TUSC3: variants seen among roughly 807,000 people sequenced by gnomAD.
TUSC3 encodes the protein dolichyl-diphosphooligosaccharide--protein glycosyltransferase subunit TUSC3.
Under a neutral mutation model 44.8 loss-of-function variants are expected in TUSC3, and 45 were observed. The ratio of observed to expected loss-of-function variants is 1.00; its 90% CI spans 0.79 to 1.29. The LOEUF is 1.29. Among genes scored for constraint, TUSC3 ranks in the 50% most tolerant of loss-of-function variants. The pLI is 0.00. For missense variants in TUSC3, 519 were observed against 437.9 expected, an observed-to-expected ratio of 1.19 and a Z score of -1.65; for synonymous variants, 212 against 152.9, an observed-to-expected ratio of 1.39 and a Z score of -2.85.
chr8:15,492,955 A>C (rs993200751), intron 2 of TUSC3, among the ~76,000 whole-genome samples: 2 of 152,146 alleles, frequency 1.3e-5, no homozygotes, highest in African/African-American at 2.4e-5. Context: ...TTGCCACTGC[A>C]CTCCAGCCTG....
chr8:15,602,308 T>C (rs942395573), intron 1 of TUSC3, among the ~76,000 whole-genome samples: 5 of 151,716 alleles, frequency 3.3e-5, no homozygotes, highest in Non-Finnish European at 7.4e-5. Context: ...TTGTGGATTC[T>C]AGCGCAGAAT....
At position 15,650,680 on chromosome 8, in the gene TUSC3, C is replaced by G. The variant is rs781717021; in HGVS notation, c.309-17C>G. ...CAGTACTGATGTGTTTCTACTATGGCCCATTATTCTTATCAGGCAAGCTAA... is the reference window on the plus strand; with the variant it reads ...CAGTACTGATGTGTTTCTACTATGGGCCATTATTCTTATCAGGCAAGCTAA... On this transcript the variant is annotated splice_polypyrimidine_tract_variant and intron_variant, in intron 2 of 10. Coordinates refer to ENST00000503731, the MANE Select transcript of TUSC3 (RefSeq NM_006765.4). 3 of 1,605,746 alleles carry G rather than the reference C, an allele frequency of 1.9e-6. No homozygotes were observed. The highest frequency in any genetic ancestry group is 2.6e-6 in the Non-Finnish European group (3 of 1,172,596).
intron 6 of TUSC3, among the ~76,000 whole-genome samples, chr8:15,693,852 T>C (rs1030769109): frequency 6.6e-6 from 1 of 152,098 alleles, no homozygotes; most frequent in Non-Finnish European, 1.5e-5. Flanking sequence ...TATTGTTTTT[T>C]CTTCATTTCT....
At chr8:15,595,932 C>T (rs1804048784) in intron 1 of TUSC3, among the ~76,000 whole-genome samples, 1 of 152,096 alleles carries the variant, frequency 6.6e-6, no homozygotes, top group South Asian at 2.1e-4. Context: ...AGTGATTTGA[C>T]CAATTGAATA....
chr8:15,472,027 G>A (rs558093826), intron 1 of TUSC3, among the ~76,000 whole-genome samples: 3 of 115,468 alleles, frequency 2.6e-5, no homozygotes, highest in Admixed American at 9.9e-5. Context: ...GCTAAACTGT[G>A]TAAGTAACAT....
intron 1 of TUSC3, among the ~76,000 whole-genome samples, chr8:15,422,081 T>G (rs1318267719): frequency 1.3e-5 from 2 of 152,192 alleles, no homozygotes; most frequent in Admixed American, 6.5e-5. Flanking sequence ...TACCCATCTT[T>G]CTGATACTCT....
chr8:15,548,795 A>C (rs184041480), intron 1 of TUSC3, among the ~76,000 whole-genome samples: 1 of 151,838 alleles, frequency 6.6e-6, no homozygotes, highest in Non-Finnish European at 1.5e-5. Context: ...TTCTCCTTCT[A>C]CCCTATGTTT....
At chr8:15,706,910 C>T (rs1809641156) in intron 6 of TUSC3, among the ~76,000 whole-genome samples, 1 of 151,894 alleles carries the variant, frequency 6.6e-6, no homozygotes, top group Non-Finnish European at 1.5e-5. Flanking sequence ...GCAAGAAGTT[C>T]ATTCAGCCAC....
rs143444660 is a variant in TUSC3 at position 15,617,120 on chromosome 8, A to ATGTGTGTGTGTGTGTGTG, written c.139-5947_139-5946insGTGTGTGTGTGTGTGTGT. Among the ~76,000 whole-genome samples the ATGTGTGTGTGTGTGTGTG allele has an allele frequency of 7.0e-3, 867 of 123,606 alleles. 16 individuals are homozygous for ATGTGTGTGTGTGTGTGTG. Among genetic ancestry groups the ATGTGTGTGTGTGTGTGTG allele is most frequent in the South Asian group, 9.9e-3 (38 of 3,846 alleles). The allele number at this position is 123,606 out of a possible 152,430, so 81.1% of individuals were successfully genotyped here. On this transcript the variant is annotated intron_variant, in intron 1 of 10. Coordinates refer to ENST00000503731, the MANE Select transcript of TUSC3 (RefSeq NM_006765.4). ...ATTTGTTTCTGTATCTATCTGTAAA[A>ATGTGTGTGTGTGTGTGTG]TGTGTGTGTGTGTATATATTTTTTT... is the stretch of plus-strand genomic sequence containing the variant.
chr8:15,482,353 T>G (rs1044381343), intron 1 of TUSC3, among the ~76,000 whole-genome samples: 2 of 152,210 alleles, frequency 1.3e-5, no homozygotes, highest in African/African-American at 4.8e-5. Context: ...AATCACAAAG[T>G]TCTCGTGGCA....
the TUSC3 span, among the ~76,000 whole-genome samples, chr8:15,799,169 G>C: frequency 4.3e-4 from 66 of 152,218 alleles, no homozygotes; most frequent in African/African-American, 1.5e-3. Flanking sequence ...GTTGTCTTAA[G>C]TGGATCCACA....
intron 8 of TUSC3, among the ~76,000 whole-genome samples, chr8:15,744,416 C>T (rs1309041293): frequency 9.2e-5 from 14 of 152,090 alleles, no homozygotes; most frequent in Admixed American, 8.5e-4. Context: ...TTGATATGTC[C>T]ACAGACCTGT....
At chr8:15,490,048 A>G (rs1480287969) in intron 2 of TUSC3, among the ~76,000 whole-genome samples, 1 of 152,240 alleles carries the variant, frequency 6.6e-6, no homozygotes, top group East Asian at 1.9e-4. Flanking sequence ...GGCTTTAATC[A>G]AGAACATGGT....
intron 2 of TUSC3, among the ~76,000 whole-genome samples, chr8:15,509,551 TGA>T (rs1240619986): frequency 6.6e-6 from 1 of 151,834 alleles, no homozygotes; most frequent in Non-Finnish European, 1.5e-5. Flanking sequence ...GAGGTTGCAG[TGA>T]GCCGAGATTG....
In TUSC3 at chr8:15,555,139, CTTTTTTTTTTT is replaced by C. The variant is rs60676527; in HGVS notation, c.138+14584_138+14594del. 1.7e-4 allele frequency among the ~76,000 whole-genome samples: 16 copies of C among 93,582 alleles called. 1 individual carries two copies. The Admixed American group carries it at 2.1e-3, about 12-fold the overall frequency. 61.4% of individuals were successfully genotyped at this position (93,582 alleles called of 152,430 possible). A position where few individuals can be genotyped will look rare whatever the true frequency, so the allele number is the denominator to read the frequency against. On this transcript the variant is annotated intron_variant, in intron 1 of 10. Transcript: ENST00000503731. ...TAGGTGACAATATTATAATAGCAGTCTTTTTTTTTTTTTTTTTTTTTTTGGGGGGGACGAGA... is the reference window on the plus strand; with the variant it reads ...TAGGTGACAATATTATAATAGCAGTCTTTTTTTTTTTTGGGGGGGACGAGA...
chr8:15,736,228 A>G (rs879611799), intron 7 of TUSC3, among the ~76,000 whole-genome samples: 19 of 152,294 alleles, frequency 1.2e-4, no homozygotes, highest in Non-Finnish European at 2.4e-4. Flanking sequence ...GAAGAGGAAG[A>G]CACACAACAA....
At chr8:15,425,586 A>T (rs10109144) in intron 1 of TUSC3, among the ~76,000 whole-genome samples, 1,889 of 152,354 alleles carry the variant, frequency 0.012, 39 homozygotes, top group African/African-American at 0.044. Context: ...GGGAAACAGA[A>T]GTTTGTATGT....
intron 6 of TUSC3, among the ~76,000 whole-genome samples, chr8:15,728,608 G>T (rs1222890679): frequency 6.6e-6 from 1 of 152,182 alleles, no homozygotes; most frequent in Non-Finnish European, 1.5e-5. Flanking sequence ...GGGAGAATGG[G>T]ACAGAAGCAG....
intron 1 of TUSC3, among the ~76,000 whole-genome samples, chr8:15,569,414 T>A (rs1398972178): frequency 6.6e-6 from 1 of 152,158 alleles, no homozygotes; most frequent in African/African-American, 2.4e-5. Context: ...GATAAAAAAT[T>A]ACAGCATCAT....
Sources: allele counts gnomAD v4.1 joint callset (sites outside exome capture counted in the v4.1 genomes callset), GRCh38; gene constraint gnomAD v4.1.1; transcripts MANE v1.5; gene names NCBI Gene and HGNC (gene_info 2026-07-23, HGNC 2026-07-21).